PCSK6: variants seen among roughly 807,000 people sequenced by gnomAD.
The protein encoded by PCSK6 is paired basic amino acid cleaving enzyme 4.
PCSK6 carries 85 observed loss-of-function variants against 123.3 expected under a neutral mutation model. That is an observed-to-expected ratio of 0.69 (90% CI 0.58 to 0.83). The LOEUF is 0.83. Among genes scored for constraint, PCSK6 ranks in the 40% least tolerant of loss-of-function variants. PCSK6 has a pLI of 0.00. For synonymous variants in PCSK6, 508 were observed against 516.0 expected (o/e 0.98, Z 0.21); for missense variants, 1,191 against 1,282.3 (o/e 0.93, Z 1.09).
At chr15:101,363,788 C>T (rs907935565) in intron 13 of PCSK6, among the ~76,000 whole-genome samples, 42 of 147,662 alleles carry the variant, frequency 2.8e-4, no homozygotes, top group African/African-American at 1.0e-3. Flanking sequence ...TGCCACCTTG[C>T]CTGGCTAATT....
At chr15:101,425,417 C>G (rs983947027) in intron 6 of PCSK6, among the ~76,000 whole-genome samples, 1 of 152,340 alleles carries the variant, frequency 6.6e-6, no homozygotes, top group East Asian at 1.9e-4. Context: ...TGGCACACAA[C>G]AGGGAATTTC....
At chr15:101,375,278 T>C (rs2041701842) in intron 11 of PCSK6, among the ~76,000 whole-genome samples, 1 of 151,628 alleles carries the variant, frequency 6.6e-6, no homozygotes, top group African/African-American at 2.4e-5. Context: ...GATCAAACCA[T>C]AGCACATCAC....
chr15:101,447,107 G>A (rs1386038186), intron 1 of PCSK6, among the ~76,000 whole-genome samples: 1 of 152,112 alleles, frequency 6.6e-6, no homozygotes, highest in South Asian at 2.1e-4. Flanking sequence ...GCTGTCTCTC[G>A]TCCTCCCCAC....
At chr15:101,373,229 G>A (rs2041636423) in intron 11 of PCSK6, among the ~76,000 whole-genome samples, 1 of 152,198 alleles carries the variant, frequency 6.6e-6, no homozygotes, top group African/African-American at 2.4e-5. Context: ...AGGCTGGCTG[G>A]GGGCGGGAGC....
At chr15:101,308,111 G>A (rs2039766992) in intron 20 of PCSK6, 1 of 152,298 alleles carries the variant, frequency 6.6e-6, no homozygotes. Context: ...TCTACAGAAA[G>A]CACTTGCCGA....
chr15:101,476,583 A>G (rs1055300887), intron 1 of PCSK6, among the ~76,000 whole-genome samples: 1 of 152,012 alleles, frequency 6.6e-6, no homozygotes, highest in African/African-American at 2.4e-5. Flanking sequence ...AAAACAACAA[A>G]AATTCTTTTT....
intron 7 of PCSK6, among the ~76,000 whole-genome samples, chr15:101,396,363 CA>C (rs2042412874): frequency 6.6e-6 from 1 of 152,130 alleles, no homozygotes; most frequent in Admixed American, 6.5e-5. Flanking sequence ...CGATCACTGC[CA>C]AACAACCAGG....
chr15:101,336,382 G>A (rs1256562524), intron 13 of PCSK6, among the ~76,000 whole-genome samples: 1 of 152,180 alleles, frequency 6.6e-6, no homozygotes, highest in East Asian at 1.9e-4. Context: ...TTTCAGCTGT[G>A]TGCATGTGTA....
At chr15:101,362,101 T>C (rs2005064) in intron 13 of PCSK6, among the ~76,000 whole-genome samples, 73,965 of 151,458 alleles carry the variant, frequency 0.49, 18,778 homozygotes, top group South Asian at 0.68. Flanking sequence ...GGACTACAGG[T>C]GCCCGCCACC....
intron 13 of PCSK6, among the ~76,000 whole-genome samples, chr15:101,356,682 T>TGTCTCA (rs2041054421): frequency 1.3e-4 from 2 of 15,182 alleles, no homozygotes; most frequent in African/African-American, 2.1e-4. Context: ...TGTCTCAAAA[T>TGTCTCA]AAATAAATAA....
chr15:101,319,742 ACCACAT>A (rs1415602766), intron 18 of PCSK6, among the ~76,000 whole-genome samples: 1 of 152,202 alleles, frequency 6.6e-6, no homozygotes, highest in Non-Finnish European at 1.5e-5. Context: ...CAAGAACACA[ACCACAT>A]CCTGGGAGGG....
At chr15:101,407,065 G>A (rs2042802923) in intron 6 of PCSK6, among the ~76,000 whole-genome samples, 1 of 152,120 alleles carries the variant, frequency 6.6e-6, no homozygotes. Context: ...CGACCTCCAA[G>A]AGAAGGGCCG....
At chr15:101,369,602 TAGAA>T (rs1284657306) in intron 12 of PCSK6, among the ~76,000 whole-genome samples, 4 of 152,250 alleles carry the variant, frequency 2.6e-5, no homozygotes, top group Non-Finnish European at 5.9e-5. Context: ...ACCTCTTAGC[TAGAA>T]AGAGACAGAA....
rs1190464208 is a variant in PCSK6 at position 101,398,268 on chromosome 15, T to G, written c.996+136A>C. 9.2e-7 allele frequency: 1 copy of G among 1,091,130 alleles called. No individual in the cohort carries two copies. Among genetic ancestry groups the G allele is most frequent in the Non-Finnish European group, 1.3e-6 (1 of 769,126 alleles). The allele number at this position is 1,091,130 out of a possible 1,614,324, so 67.6% of individuals were successfully genotyped here. On this transcript the variant is annotated intron_variant, in intron 7 of 21. Coordinates refer to ENST00000611716, the MANE Select transcript of PCSK6 (RefSeq NM_002570.5). This position sits in a 1 kb window ranked among gnomAD's most constrained non-coding sequence, Gnocchi z 4.6. ...GACTCCCCGAGTGACTCCTCCACAC[T>G]GGCCCTGGCACCTGTCACAGCAGAG...
intron 1 of PCSK6, among the ~76,000 whole-genome samples, chr15:101,483,842 G>A (rs1023630871): frequency 6.6e-6 from 1 of 152,238 alleles, no homozygotes; most frequent in African/African-American, 2.4e-5. Flanking sequence ...TCCTTGACAA[G>A]TGGATCGGCC....
At chr15:101,389,710 C>T (rs555239149) in intron 8 of PCSK6, 146 bp from the exon 9 acceptor site, 16 of 619,268 alleles carry the variant, frequency 2.6e-5, no homozygotes, top group African/African-American at 5.5e-5. Flanking sequence ...AAATGCATCT[C>T]GGCAACCACA....
intron 1 of PCSK6, among the ~76,000 whole-genome samples, chr15:101,483,166 T>C (rs867406976): frequency 6.6e-6 from 1 of 152,150 alleles, no homozygotes; most frequent in African/African-American, 2.4e-5. Flanking sequence ...CCCAGAGAAC[T>C]AGGTCACAGG....
intron 6 of PCSK6, among the ~76,000 whole-genome samples, chr15:101,412,910 C>T (rs1365801169): frequency 6.6e-6 from 1 of 151,322 alleles, no homozygotes; most frequent in Non-Finnish European, 1.5e-5. Context: ...ATTGCTTGTG[C>T]CCAGGAGTTC....
At chr15:101,322,649 C>A in intron 17 of PCSK6, 42 bp from the exon 18 acceptor site, 1 of 1,284,132 alleles carries the variant, frequency 7.8e-7, no homozygotes, top group East Asian at 2.3e-5. Flanking sequence ...AGGGACGACA[C>A]TGACAGGAAT....
Sources: gnomAD v4.1 joint callset for allele counts (sites outside exome capture counted in the v4.1 genomes callset) on GRCh38, gnomAD v4.1.1 for gene constraint, Gnocchi (gnomAD v3.1) non-coding constraint, MANE v1.5 for transcripts, NCBI Gene and HGNC (gene_info 2026-07-23, HGNC 2026-07-21) for gene names.